The following HERC2 variants were observed in gnomAD, a reference collection of about 807,000 sequenced individuals.
HERC2 encodes the protein E3 ubiquitin-protein ligase HERC2.
A neutral mutation model predicts 537.7 loss-of-function variants in HERC2; 102 were observed. The ratio of observed to expected loss-of-function variants is 0.19; its 90% CI spans 0.16 to 0.22. The LOEUF (loss-of-function observed/expected upper bound fraction) is 0.22. Ranked by LOEUF, HERC2 falls within the 10% of genes least tolerant of loss-of-function variation. The probability of loss-of-function intolerance (pLI) is 1.00; values close to 1 mark genes in which losing one functional copy is unlikely to be tolerated. For synonymous variants in HERC2, 2,224 were observed against 2,466.2 expected (o/e 0.90, Z 2.91); for missense variants, 4,236 against 6,198.2 (o/e 0.68, Z 10.63).
intron 39 of HERC2, among the ~76,000 whole-genome samples, chr15:28,215,202 G>A (rs754579723): frequency 3.9e-5 from 6 of 152,000 alleles, no homozygotes; most frequent in African/African-American, 1.2e-4. Flanking sequence ...TTCTCATAAC[G>A]CAAGTAATCA....
In HERC2 at chr15:28,176,318, TA is replaced by T. The variant is rs1895285367; in HGVS notation, c.9686+109del. 2.2e-6 allele frequency: 2 copies of T among 912,254 alleles called. No homozygotes were observed. The highest frequency in any genetic ancestry group is 2.4e-5 in the Admixed American group (1 of 41,854). The allele number at this position is 912,254 out of a possible 1,614,324, so 56.5% of individuals were successfully genotyped here. ...TAAAGGACAAAGATGCATGCATAAGTAAAAAGAGGACACGTCACAATCACGC... is the reference window on the plus strand; with the variant it reads ...TAAAGGACAAAGATGCATGCATAAGTAAAAGAGGACACGTCACAATCACGC... On this transcript the variant is annotated intron_variant, in intron 63 of 92. Coordinates refer to ENST00000261609, the MANE Select transcript of HERC2 (RefSeq NM_004667.6). The surrounding 1 kb of genome is among the most constrained non-coding windows in gnomAD (Gnocchi z 5.0).
intron 44 of HERC2, among the ~76,000 whole-genome samples, chr15:28,209,940 C>CTTTTTTT (rs1164101918): frequency 6.5e-5 from 5 of 77,342 alleles, no homozygotes; most frequent in African/African-American, 1.1e-4. Flanking sequence ...AATACATTAT[C>CTTTTTTT]TTTTTTTTTT....
rs1596149461 is a variant in HERC2, at chr15:28,182,624, C to T, written c.8826-112G>A. On this transcript the variant is annotated intron_variant, in intron 56 of 92. Coordinates refer to ENST00000261609, the MANE Select transcript of HERC2 (RefSeq NM_004667.6). ...GCACTCAAAGTTTTATGGTTACTTT[C>T]AGAAACTCTTAAAATTTTGCTTTAA... 8.7e-6 allele frequency: 7 copies of T among 807,448 alleles called. No homozygotes were observed. In the East Asian group the frequency reaches 1.9e-4, roughly 21 times the overall value. The allele number at this position is 807,448 out of a possible 1,614,324, so 50.0% of individuals were successfully genotyped here.
intron 9 of HERC2, chr15:28,271,977 T>C: frequency 1.9e-6 from 1 of 536,228 alleles, no homozygotes; most frequent in South Asian, 3.0e-5. Flanking sequence ...CTGGTATTTA[T>C]TTAAAAGTGA....
In HERC2 at chr15:28,115,675, T is replaced by C. The variant is rs139703599; in HGVS notation, c.13610-134A>G. On this transcript the variant is annotated intron_variant, in intron 88 of 92. Coordinates refer to ENST00000261609, the MANE Select transcript of HERC2 (RefSeq NM_004667.6). ...TTCTGAAGCAGCAACACCCACATCA[T>C]AGGTCTAGGCCCTTCCTCAAGACCG... is the stretch of plus-strand genomic sequence containing the variant. The C allele has an allele frequency of 7.4e-4, 483 of 651,644 alleles. 6 individuals are homozygous for C. In the East Asian group the frequency reaches 0.012, roughly 16 times the overall value. 40.4% of individuals were successfully genotyped at this position (651,644 alleles called of 1,614,324 possible).
intron 64 of HERC2, among the ~76,000 whole-genome samples, chr15:28,175,166 A>C (rs1304154510): frequency 2.6e-5 from 4 of 152,046 alleles, no homozygotes; most frequent in Non-Finnish European, 4.4e-5. Context: ...CTCTAAAATG[A>C]GGCATGGATC....
chr15:28,314,062 G>A (rs1423443027), intron 2 of HERC2, among the ~76,000 whole-genome samples: 1 of 152,186 alleles, frequency 6.6e-6, no homozygotes, highest in Non-Finnish European at 1.5e-5. Flanking sequence ...AATTTCCAAA[G>A]GGACTGCAGT....
chr15:28,225,493 C>T (rs189643232), intron 35 of HERC2, among the ~76,000 whole-genome samples: 8 of 151,784 alleles, frequency 5.3e-5, no homozygotes, highest in Admixed American at 1.3e-4. Context: ...GTCAAGAGAT[C>T]GAGACCATCC....
At chr15:28,188,935 A>T (rs1429226498) in intron 55 of HERC2, among the ~76,000 whole-genome samples, 1 of 152,070 alleles carries the variant, frequency 6.6e-6, no homozygotes, top group Non-Finnish European at 1.5e-5. Context: ...TAAAAATACA[A>T]AAATTAGCTG....
At chr15:28,130,064 C>T in intron 83 of HERC2, 99 bp downstream of exon 83, 3 of 1,470,090 alleles carry the variant, frequency 2.0e-6, no homozygotes, top group Non-Finnish European at 2.8e-6. Flanking sequence ...TGAGCCACCA[C>T]ACCTGGCCTG....
At chr15:28,266,086 GT>G in intron 12 of HERC2, 112 bp from the exon 13 acceptor site, 1 of 1,117,018 alleles carries the variant, frequency 9.0e-7, no homozygotes, top group East Asian at 2.6e-5. Flanking sequence ...CATCAGGCCA[GT>G]TTCACCTTCC....
chr15:28,287,946 G>A (rs962210068), intron 4 of HERC2, among the ~76,000 whole-genome samples: 3 of 151,932 alleles, frequency 2.0e-5, no homozygotes, highest in Admixed American at 6.6e-5. Flanking sequence ...GCATGGTCTC[G>A]ATCTCCTGAC....
rs56685874 is a variant in HERC2 at position 28,252,899 on chromosome 15, C to T, written c.3050+1441G>A. Among the ~76,000 whole-genome samples the T allele has an allele frequency of 4.5e-3, 681 of 152,342 alleles. 1 individual carries two copies. Among genetic ancestry groups the T allele is most frequent in the African/African-American group, 0.016 (650 of 41,574 alleles). On this transcript the variant is annotated intron_variant, in intron 20 of 92. Transcript: ENST00000261609. The stretch of plus-strand genomic sequence containing the variant: ...CTGGTTGTGGACAGCAGGCCCACCC[C>T]ACGCCACAGGCCCAACCCACACCAC...
At chr15:28,208,179 A>C (rs1898694262) in intron 44 of HERC2, among the ~76,000 whole-genome samples, 1 of 152,228 alleles carries the variant, frequency 6.6e-6, no homozygotes, top group African/African-American at 2.4e-5. Context: ...CAGCAGGTTT[A>C]AAATTAATTT....
In HERC2 at chr15:28,272,979, T is replaced by C. The variant is rs1459660403; in HGVS notation, c.826A>G (p.Lys276Glu). 6.2e-7 allele frequency: 1 copy of C among 1,612,542 alleles called. No homozygotes were observed. Among genetic ancestry groups the C allele is most frequent in the Non-Finnish European group, 8.5e-7 (1 of 1,180,020 alleles). Residue 276 changes from lysine to glutamate, a missense_variant, in exon 8 of 93, where the codon AAA becomes GAA. This residue lies in a region of HERC2 where 491 missense variants were observed against 559.3 expected (regional missense o/e 0.88). Coordinates refer to ENST00000261609, the MANE Select transcript of HERC2 (RefSeq NM_004667.6). ...TGDVHGTPATKGPGSIPLQDQ... is the reference protein window; with the variant it reads ...TGDVHGTPATEGPGSIPLQDQ... ...TGCAGGGGGATGCTTCCTGGCCCTT[T>C]GGTGGCTGGCGTTCCGTGAACATCC...
At chr15:28,302,898 TG>T (rs750794053) in intron 2 of HERC2, among the ~76,000 whole-genome samples, 3 of 152,186 alleles carry the variant, frequency 2.0e-5, no homozygotes, top group Non-Finnish European at 4.4e-5. Context: ...TTATATATTC[TG>T]GTTATTAATC....
In HERC2 at chr15:28,126,016, G is replaced by A. The variant is rs184094413; in HGVS notation, c.12803-823C>T. Among the ~76,000 whole-genome samples the A allele has an allele frequency of 2.6e-5, 4 of 152,220 alleles. No homozygotes were observed. In the East Asian group the frequency reaches 7.7e-4, roughly 29 times the overall value. On this transcript the variant is annotated intron_variant, in intron 83 of 92. Transcript: ENST00000261609. Reference sequence around the variant, plus strand: ...TAGCAGAGACAGGGTTTCACCATGTGGGTCAGGCTGGTCTCGAACTCCTGA... The same window carrying A: ...TAGCAGAGACAGGGTTTCACCATGTAGGTCAGGCTGGTCTCGAACTCCTGA...
intron 4 of HERC2, among the ~76,000 whole-genome samples, chr15:28,291,188 C>A (rs2076300964): frequency 6.6e-6 from 1 of 152,126 alleles, no homozygotes; most frequent in Non-Finnish European, 1.5e-5. Flanking sequence ...CTGTGCTGAT[C>A]CTATAATAAC....
Position 28,275,135 on chromosome 15 carries a change from A to G in HERC2, c.543-130T>C, listed in dbSNP as rs558601794. On this transcript the variant is annotated intron_variant, in intron 5 of 92. Coordinates refer to ENST00000261609, the MANE Select transcript of HERC2 (RefSeq NM_004667.6). ...GTTTTCTTCAAGTGACAGGATCACA[A>G]GTGGATTTTTCGTTTTGTTGTTTAA... 2.6e-5 allele frequency: 13 copies of G among 505,580 alleles called. No individual in the cohort carries two copies. The South Asian group carries it at 4.3e-4, about 17-fold the overall frequency. The allele number at this position is 505,580 out of a possible 1,614,324, so 31.3% of individuals were successfully genotyped here.
Sources: gnomAD v4.1 joint callset for allele counts (sites outside exome capture counted in the v4.1 genomes callset) on GRCh38, gnomAD v4.1.1 for gene constraint, gnomAD v4.1.1 regional missense constraint, Gnocchi (gnomAD v3.1) non-coding constraint, MANE v1.5 for transcripts, NCBI Gene and HGNC (gene_info 2026-07-23, HGNC 2026-07-21) for gene names.